C8orf34: variants seen among roughly 807,000 people sequenced by gnomAD.
C8orf34 encodes the protein chromosome 8 open reading frame 34.
In C8orf34, 65 loss-of-function variants were observed where a neutral mutation model predicts 68.3. That is an observed-to-expected ratio of 0.95 (90% confidence interval 0.78 to 1.17). The LOEUF is 1.17. Among genes scored for constraint, C8orf34 ranks in the 50% most tolerant of loss-of-function variants. The pLI is 0.00. For synonymous variants in C8orf34, 244 were observed against 241.2 expected, an observed-to-expected ratio of 1.01 and a Z score of -0.11; for missense variants, 664 against 655.4, an observed-to-expected ratio of 1.01 and a Z score of -0.14.
intron 5 of C8orf34, among the ~76,000 whole-genome samples, chr8:68,494,237 C>G (rs1482065096): frequency 6.6e-6 from 1 of 152,058 alleles, no homozygotes; most frequent in Non-Finnish European, 1.5e-5. Context: ...CATGGATGAA[C>G]CTTGAGGAAC....
At chr8:68,430,110 T>A (rs142117285) in intron 1 of C8orf34, among the ~76,000 whole-genome samples, 27 of 152,196 alleles carry the variant, frequency 1.8e-4, no homozygotes, top group African/African-American at 6.5e-4. Flanking sequence ...AGGCTGGAGA[T>A]TGAGCCAATC....
chr8:68,525,703 T>G, intron 6 of C8orf34: 1 of 652,736 alleles, frequency 1.5e-6, no homozygotes, highest in Non-Finnish European at 2.9e-6. Context: ...CATATTTGTT[T>G]AGCCTGCCTG....
chr8:68,655,441 A>G (rs1324873853), intron 8 of C8orf34, among the ~76,000 whole-genome samples: 1 of 152,224 alleles, frequency 6.6e-6, no homozygotes, highest in Non-Finnish European at 1.5e-5. Context: ...CTAACTTACG[A>G]TGGTTCAACT....
intron 10 of C8orf34, among the ~76,000 whole-genome samples, chr8:68,761,458 C>CATCT: frequency 6.6e-6 from 1 of 152,318 alleles, no homozygotes; most frequent in African/African-American, 2.4e-5. Flanking sequence ...CTGAAACTTT[C>CATCT]ATCTATAAGC....
chr8:68,376,275 G>T (rs955395672), intron 1 of C8orf34, among the ~76,000 whole-genome samples: 1 of 95,164 alleles, frequency 1.1e-5, no homozygotes, highest in African/African-American at 4.5e-5. Flanking sequence ...TCTTCTGAAA[G>T]CTTATAAATG....
intron 10 of C8orf34, among the ~76,000 whole-genome samples, chr8:68,768,661 A>G (rs1481183950): frequency 6.6e-6 from 1 of 152,198 alleles, no homozygotes; most frequent in Non-Finnish European, 1.5e-5. Flanking sequence ...ACATCTAACA[A>G]TAGGGATACT....
chr8:68,573,499 T>C (rs1189973624), intron 7 of C8orf34, among the ~76,000 whole-genome samples: 2 of 152,162 alleles, frequency 1.3e-5, no homozygotes, highest in Admixed American at 1.3e-4. Flanking sequence ...CCAATGGATC[T>C]GCAGATGCAT....
At chr8:68,577,987 T>C (rs939734781) in intron 7 of C8orf34, among the ~76,000 whole-genome samples, 1 of 151,930 alleles carries the variant, frequency 6.6e-6, no homozygotes, top group Non-Finnish European at 1.5e-5. Context: ...TATGTGTATT[T>C]TCCATTTCAT....
At chr8:68,806,902 C>T (rs1159100153) in intron 12 of C8orf34, among the ~76,000 whole-genome samples, 3 of 152,140 alleles carry the variant, frequency 2.0e-5, no homozygotes, top group South Asian at 2.1e-4. Flanking sequence ...TTTTCCATGA[C>T]GTGTCAGCTG....
At chr8:68,445,245 T>A (rs1398244832) in intron 2 of C8orf34, among the ~76,000 whole-genome samples, 3 of 152,120 alleles carry the variant, frequency 2.0e-5, no homozygotes, top group Admixed American at 6.6e-5. Flanking sequence ...ATGGTGTATG[T>A]TAGTTATTTA....
At chr8:68,762,367 G>A (rs767609809) in intron 10 of C8orf34, among the ~76,000 whole-genome samples, 3 of 152,162 alleles carry the variant, frequency 2.0e-5, no homozygotes, top group Admixed American at 6.5e-5. Flanking sequence ...TGCAATATTG[G>A]TATGGGTTTC....
At chr8:68,580,812 T>C (rs1817040887) in intron 7 of C8orf34, among the ~76,000 whole-genome samples, 1 of 152,174 alleles carries the variant, frequency 6.6e-6, no homozygotes, top group African/African-American at 2.4e-5. Flanking sequence ...GCTGATTTTC[T>C]CATGATGGCA....
At chr8:68,661,176 C>T (rs978919175) in intron 8 of C8orf34, among the ~76,000 whole-genome samples, 2 of 152,190 alleles carry the variant, frequency 1.3e-5, no homozygotes, top group Non-Finnish European at 2.9e-5. Context: ...CCAGCGTGGT[C>T]ATTGGACGCA....
At chr8:68,625,947 T>G (rs1818527171) in intron 7 of C8orf34, among the ~76,000 whole-genome samples, 1 of 152,200 alleles carries the variant, frequency 6.6e-6, no homozygotes, top group South Asian at 2.1e-4. Flanking sequence ...ATGATATATT[T>G]TTTACTTTAT....
intron 7 of C8orf34, among the ~76,000 whole-genome samples, chr8:68,623,460 GTTCCC>G (rs1285601787): frequency 2.2e-4 from 34 of 152,060 alleles, no homozygotes; most frequent in Non-Finnish European, 4.4e-4. Flanking sequence ...TTGTCCCAAT[GTTCCC>G]TTGTTTTAAG....
intron 9 of C8orf34, among the ~76,000 whole-genome samples, chr8:68,710,545 G>A (rs1386492152): frequency 6.6e-6 from 1 of 152,130 alleles, no homozygotes; most frequent in Non-Finnish European, 1.5e-5. Context: ...TGACTCAGCA[G>A]AGGCAGCCAT....
chr8:68,417,321 G>A (rs940406143), intron 1 of C8orf34, among the ~76,000 whole-genome samples: 12 of 151,698 alleles, frequency 7.9e-5, no homozygotes, highest in African/African-American at 2.9e-4. Context: ...AAATATATTG[G>A]CACATATGCA....
intron 8 of C8orf34, among the ~76,000 whole-genome samples, chr8:68,685,882 A>G (rs754243531): frequency 9.4e-3 from 23 of 2,454 alleles, no homozygotes; most frequent in Non-Finnish European, 0.016. Context: ...ATCTCAGTAA[A>G]TAAATAAATA....
intron 3 of C8orf34, among the ~76,000 whole-genome samples, chr8:68,450,036 T>C (rs941443116): frequency 6.6e-6 from 1 of 152,184 alleles, no homozygotes; most frequent in African/African-American, 2.4e-5. Context: ...TTTAAGTTGA[T>C]GCAGTATTTT....
Sources: gnomAD v4.1 joint callset for allele counts (sites outside exome capture counted in the v4.1 genomes callset) on GRCh38, gnomAD v4.1.1 for gene constraint, MANE v1.5 for transcripts, NCBI Gene and HGNC (gene_info 2026-07-23, HGNC 2026-07-21) for gene names.